Variants in PLA2G7 observed in about 807,000 individuals in gnomAD.
PLA2G7 encodes the protein platelet-activating factor acetylhydrolase.
In PLA2G7, 63 loss-of-function variants were observed where a neutral mutation model predicts 49.6. The ratio of observed to expected loss-of-function variants is 1.27; its 90% CI spans 1.04 to 1.57. The LOEUF is 1.57. Among genes scored for constraint, PLA2G7 ranks in the 40% most tolerant of loss-of-function variants. PLA2G7 has a pLI of 0.00. For synonymous variants in PLA2G7, 193 were observed against 169.9 expected, an observed-to-expected ratio of 1.14 and a Z score of -1.06; for missense variants, 596 against 521.2, an observed-to-expected ratio of 1.14 and a Z score of -1.40.
rs1562083853 is a variant in PLA2G7, at chr6:46,734,454, GAGAGAGAGAGAGAGAGAGAGAGAGAGA to G, written c.-35+699_-35+725del. Among the ~76,000 whole-genome samples the G allele has an allele frequency of 2.5e-5, 3 of 120,590 alleles. No homozygotes were observed. In the East Asian group the frequency reaches 6.9e-4, roughly 28 times the overall value. The allele number at this position is 120,590 out of a possible 152,430, so 79.1% of individuals were successfully genotyped here. A position where few individuals can be genotyped will look rare whatever the true frequency, so the allele number is the denominator to read the frequency against. ...AGAGAGAGAGAGAGAGAGAGAGAGA[GAGAGAGAGAGAGAGAGAGAGAGAGAGA>G]GAGAGAGAGACGGAGAGAGAGATTG... On this transcript the variant is annotated intron_variant, in intron 1 of 11. Coordinates refer to ENST00000274793, the MANE Select transcript of PLA2G7 (RefSeq NM_005084.4).
intron 1 of PLA2G7, among the ~76,000 whole-genome samples, chr6:46,725,236 ATT>A (rs113442644): frequency 6.7e-6 from 1 of 148,846 alleles, no homozygotes; most frequent in South Asian, 2.1e-4. Context: ...GGAGCTCTAA[ATT>A]TTTTTTTTTC....
rs1161830989 is a variant in PLA2G7, at chr6:46,704,668, G to C, written c.1218C>G (p.Asp406Glu). Residue 406 changes from aspartate to glutamate, a missense_variant, in exon 12 of 12, where the codon GAC (aspartate) becomes GAG (glutamate). Coordinates refer to ENST00000274793, the MANE Select transcript of PLA2G7 (RefSeq NM_005084.4). ...LGLHKDFDQWDCLIEGDDENL... is the reference protein window; with the variant it reads ...LGLHKDFDQWECLIEGDDENL... ...TCTCATCATCTCCTTCAATCAAGCA[G>C]TCCCACTGATCAAAATCTTTATGAA... 6.3e-6 allele frequency: 10 copies of C among 1,579,366 alleles called. No individual in the cohort carries two copies. Among genetic ancestry groups the C allele is most frequent in the Non-Finnish European group, 7.0e-6 (8 of 1,148,302 alleles).
chr6:46,731,683 AT>A (rs1404603991), intron 1 of PLA2G7, among the ~76,000 whole-genome samples: 4 of 152,230 alleles, frequency 2.6e-5, no homozygotes, highest in Non-Finnish European at 5.9e-5. Context: ...ATTAAAATAA[AT>A]TTTAAGATAA....
At chr6:46,717,494 TCCC>T (rs567023495) in intron 2 of PLA2G7, among the ~76,000 whole-genome samples, 355 of 152,204 alleles carry the variant, frequency 2.3e-3, no homozygotes, top group African/African-American at 6.6e-3. Flanking sequence ...CTGATGTCCT[TCCC>T]ATAAGAATGT....
intron 10 of PLA2G7, 35 bp downstream of exon 10, chr6:46,707,956 T>C: frequency 7.5e-7 from 1 of 1,328,646 alleles, no homozygotes; most frequent in African/African-American, 1.4e-5. Context: ...GCTTCAAGTT[T>C]GTTTCACATA....
chr6:46,714,490 A>G lies in PLA2G7; in HGVS notation c.440T>C (p.Val147Ala), dbSNP rs759929092. ...PLRPGEKYPL[V>A]VFSHGLGAFR... ...TGCCCCAAGACCATGAGAAAAAACA[A>G]CAAGTGGATATTTTTCACCAGGCCT... is the stretch of plus-strand genomic sequence containing the variant. Residue 147 changes from valine to alanine, a missense_variant, in exon 5 of 12, where the codon GTT (valine) becomes GCT (alanine). Val to Ala is a moderately conservative substitution (Grantham distance 64). Transcript: ENST00000274793. 1.2e-6 allele frequency: 2 copies of G among 1,612,760 alleles called. No individual in the cohort carries two copies. The highest frequency in any genetic ancestry group is 1.7e-6 in the Non-Finnish European group (2 of 1,178,910).
At chr6:46,733,644 C>T (rs530335110) in intron 1 of PLA2G7, among the ~76,000 whole-genome samples, 7 of 152,332 alleles carry the variant, frequency 4.6e-5, no homozygotes, top group Middle Eastern at 3.4e-3. Flanking sequence ...CAAGGTGGTG[C>T]GCTGTCTCAC....
Position 46,711,490 on chromosome 6 carries a change from A to T in PLA2G7, c.663+6T>A. The T allele has an allele frequency of 6.2e-7, 1 of 1,613,056 alleles. No individual in the cohort carries two copies. Among genetic ancestry groups the T allele is most frequent in the Non-Finnish European group, 8.5e-7 (1 of 1,179,100 alleles). ...ACCAACCACCTCTCCTTTCACTGCAATGTACCTGCTCATTTCGTATATGTG... is the reference window on the plus strand; with the variant it reads ...ACCAACCACCTCTCCTTTCACTGCATTGTACCTGCTCATTTCGTATATGTG... On this transcript the variant is annotated splice_donor_region_variant and intron_variant, in intron 7 of 11. Coordinates refer to ENST00000274793, the MANE Select transcript of PLA2G7 (RefSeq NM_005084.4).
chr6:46,710,387 C>T, intron 8 of PLA2G7, 158 bp downstream of exon 8: 1 of 643,714 alleles, frequency 1.6e-6, no homozygotes, highest in South Asian at 1.7e-5. Flanking sequence ...TGCTGCAATA[C>T]TTTACCTGTA....
At position 46,712,282 on chromosome 6, in the gene PLA2G7, C is replaced by T. The variant is rs768625900; in HGVS notation, c.526G>A (p.Ala176Thr). The T allele has an allele frequency of 2.0e-5, 32 of 1,611,132 alleles. No individual in the cohort carries two copies. The change falls in exon 6 of 12, where the codon GCT becomes ACT. Residue 176 changes from alanine to threonine, a missense_variant. Transcript: ENST00000274793. Reference sequence around the variant, plus strand: ...CAGGTAACATACCTGTGTTCTACAGCAGCAACTATAAACCCATGAGATGCC... The same window carrying T: ...CAGGTAACATACCTGTGTTCTACAGTAGCAACTATAAACCCATGAGATGCC... ...DLASHGFIVA[A>T]VEHRDRSASA...
Position 46,705,273 on chromosome 6 carries a change from A to G in PLA2G7, c.1069T>C (p.Phe357Leu). The change falls in exon 11 of 12, where the codon TTC (phenylalanine) becomes CTC (leucine). Residue 357 changes from phenylalanine (F) to leucine (L), a missense_variant. By Grantham distance (22) the Phe-to-Leu change is conservative. Transcript: ENST00000274793. ...ATTATTTTGCCAGTTGCAAAAGTGA[A>G]GTCAGCAAAATTCTGGTGGACTGAA... Reference protein sequence around the residue: ...RGSVHQNFADFTFATGKIIGH... With the variant: ...RGSVHQNFADLTFATGKIIGH... The G allele has an allele frequency of 6.2e-7, 1 of 1,612,446 alleles. No homozygotes were observed. Among genetic ancestry groups the G allele is most frequent in the South Asian group, 1.1e-5 (1 of 91,052 alleles).
chr6:46,711,455 C>G, intron 7 of PLA2G7, 41 bp downstream of exon 7: 1 of 1,609,888 alleles, frequency 6.2e-7, no homozygotes. Flanking sequence ...TTTGTACATG[C>G]TTTTAGGTCA....
chr6:46,720,319 A>G (rs1765353819), intron 2 of PLA2G7, among the ~76,000 whole-genome samples: 1 of 152,228 alleles, frequency 6.6e-6, no homozygotes, highest in Non-Finnish European at 1.5e-5. Context: ...GGACAGGGGA[A>G]CATTTTCCAA....
intron 7 of PLA2G7, 133 bp from the exon 8 acceptor site, chr6:46,710,791 C>G (rs1764990421): frequency 4.3e-6 from 3 of 702,534 alleles, no homozygotes; most frequent in African/African-American, 1.8e-5. Flanking sequence ...GTGACTATTA[C>G]TTGCTACCAT....
At chr6:46,704,815 C>T (rs780748102) in intron 11 of PLA2G7, 119 bp from the exon 12 acceptor site, 11 of 702,554 alleles carry the variant, frequency 1.6e-5, no homozygotes, top group African/African-American at 3.5e-5. Context: ...ATGGTAGAGA[C>T]GATGTGCTCT....
rs1173941400 is a variant in PLA2G7 at position 46,710,635 on chromosome 6, A to G, written c.687T>C (p.Cys229=). The change falls in exon 8 of 12, where the codon TGT becomes TGC. Residue 229 remains cysteine (C), a synonymous_variant. Transcript: ENST00000274793. ...CAAGAATCAGACTGAGAGCTTGGGA[A>G]CATTCTTTTGCTCTTTGCCGTACCT... is the stretch of plus-strand genomic sequence containing the variant. The part of the protein sequence containing the change: ...NEQVRQRAKE[C]SQALSLILDI... The G allele has an allele frequency of 6.2e-7, 1 of 1,612,938 alleles. No homozygotes were observed. Among genetic ancestry groups the G allele is most frequent in the Non-Finnish European group, 8.5e-7 (1 of 1,178,938 alleles).
chr6:46,720,777 G>A (rs1053749591), intron 2 of PLA2G7, among the ~76,000 whole-genome samples: 1 of 152,110 alleles, frequency 6.6e-6, no homozygotes, highest in African/African-American at 2.4e-5. Flanking sequence ...ACATATTTTT[G>A]GTGGTTTTCA....
At chr6:46,721,808 C>T (rs1765411269) in intron 2 of PLA2G7, among the ~76,000 whole-genome samples, 1 of 151,836 alleles carries the variant, frequency 6.6e-6, no homozygotes, top group Non-Finnish European at 1.5e-5. Flanking sequence ...CATTTTCCTG[C>T]TTATGTAGTA....
intron 1 of PLA2G7, among the ~76,000 whole-genome samples, chr6:46,726,023 A>C (rs1419111134): frequency 6.6e-6 from 1 of 152,254 alleles, no homozygotes; most frequent in Non-Finnish European, 1.5e-5. Flanking sequence ...ATGACTGGAC[A>C]GTAAGGGTAA....
Sources: gnomAD v4.1 joint callset for allele counts (sites outside exome capture counted in the v4.1 genomes callset) on GRCh38, gnomAD v4.1.1 for gene constraint, MANE v1.5 for transcripts, NCBI Gene and HGNC (gene_info 2026-07-23, HGNC 2026-07-21) for gene names.